Variants in GREM2 observed in about 807,000 individuals in gnomAD.
The protein encoded by GREM2 is gremlin 2, DAN family BMP antagonist.
Under a neutral mutation model 14.2 loss-of-function variants are expected in GREM2, and 11 were observed. The ratio of observed to expected loss-of-function variants is 0.78; its 90% confidence interval spans 0.49 to 1.28. The LOEUF (loss-of-function observed/expected upper bound fraction) is 1.28. Among genes scored for constraint, GREM2 ranks in the 50% most tolerant of loss-of-function variants. GREM2 has a pLI of 0.00. For missense variants in GREM2, 210 were observed against 218.5 expected (o/e 0.96, Z 0.24); for synonymous variants, 98 against 97.6 (o/e 1.00, Z -0.02).
In GREM2 at chr1:240,492,810, G is replaced by A. The variant is rs1395538660; in HGVS notation, c.*159C>T. The A allele has an allele frequency of 7.1e-6, 5 of 701,962 alleles. No homozygotes were observed. The highest frequency in any genetic ancestry group is 7.4e-5 in the East Asian group (2 of 26,918). 43.5% of individuals were successfully genotyped at this position (701,962 alleles called of 1,614,324 possible). ...AGCAAAAGCTCCACTTGCGATCCAC[G>A]TCTGTGACAAGGACACCGTCAGCCC... On this transcript the variant is annotated 3_prime_UTR_variant, in exon 2 of 2. Transcript: ENST00000318160.
At position 240,559,551 on chromosome 1, in the gene GREM2, C is replaced by T. The variant is rs909542432; in HGVS notation, c.-2+52333G>A. ...TAGAGATGGGATTTCGCCATGTTGACCAGGCTGGTCTTGAACTCCTGACCT... is the reference window on the plus strand; with the variant it reads ...TAGAGATGGGATTTCGCCATGTTGATCAGGCTGGTCTTGAACTCCTGACCT... On this transcript the variant is annotated intron_variant, in intron 1 of 1. Transcript: ENST00000318160. Among the ~76,000 whole-genome samples the T allele has an allele frequency of 3.9e-5, 6 of 151,908 alleles. No individual in the cohort carries two copies. In the South Asian group the frequency reaches 6.2e-4, roughly 16 times the overall value.
At chr1:240,518,891 T>C (rs1028795478) in intron 1 of GREM2, among the ~76,000 whole-genome samples, 8 of 152,216 alleles carry the variant, frequency 5.3e-5, no homozygotes, top group Non-Finnish European at 8.8e-5. Context: ...TGTTGCTTGA[T>C]GAATTTATTT....
intron 1 of GREM2, among the ~76,000 whole-genome samples, chr1:240,571,459 C>T (rs56878000): frequency 8.6e-4 from 131 of 152,094 alleles, no homozygotes; most frequent in African/African-American, 2.9e-3. Flanking sequence ...TTTGGGAGGC[C>T]GAGGTGGGTG....
At chr1:240,546,546 CAT>C (rs1414484966) in intron 1 of GREM2, among the ~76,000 whole-genome samples, 2 of 152,164 alleles carry the variant, frequency 1.3e-5, no homozygotes. Context: ...CATGTTCCTA[CAT>C]AGAGTTTTGC....
intron 1 of GREM2, among the ~76,000 whole-genome samples, chr1:240,506,148 A>C (rs1677673038): frequency 6.6e-6 from 1 of 152,178 alleles, no homozygotes; most frequent in African/African-American, 2.4e-5. Context: ...TGCAAGCATG[A>C]GAATATCATT....
intron 1 of GREM2, among the ~76,000 whole-genome samples, chr1:240,518,786 A>C (rs1326161820): frequency 1.3e-5 from 2 of 152,232 alleles, no homozygotes; most frequent in Non-Finnish European, 2.9e-5. Flanking sequence ...TTTGGATGAA[A>C]ATCTGCATGC....
intron 1 of GREM2, among the ~76,000 whole-genome samples, chr1:240,561,523 A>G (rs959318500): frequency 6.6e-6 from 1 of 152,222 alleles, no homozygotes; most frequent in Non-Finnish European, 1.5e-5. Context: ...TTTTGGTTCC[A>G]TAAATAAGCT....
At chr1:240,563,008 GTGTA>G (rs199514287) in intron 1 of GREM2, among the ~76,000 whole-genome samples, 5 of 149,820 alleles carry the variant, frequency 3.3e-5, no homozygotes, top group African/African-American at 9.8e-5. Context: ...GTATATGTGA[GTGTA>G]TGTGTGTATG....
chr1:240,527,932 A>G (rs1201691351), intron 1 of GREM2, among the ~76,000 whole-genome samples: 2 of 152,246 alleles, frequency 1.3e-5, no homozygotes, highest in African/African-American at 4.8e-5. Context: ...TTTTAACACC[A>G]GAGGAAAATG....
intron 1 of GREM2, among the ~76,000 whole-genome samples, chr1:240,578,912 G>A (rs1425745665): frequency 6.6e-6 from 1 of 152,220 alleles, no homozygotes; most frequent in Non-Finnish European, 1.5e-5. Context: ...TTTTGGAACA[G>A]CTGCAGGTGG....
chr1:240,536,176 G>C (rs1400165602), intron 1 of GREM2, among the ~76,000 whole-genome samples: 1 of 152,136 alleles, frequency 6.6e-6, no homozygotes, highest in Non-Finnish European at 1.5e-5. Context: ...CAGCTCCAAT[G>C]GAGATAATGT....
intron 1 of GREM2, among the ~76,000 whole-genome samples, chr1:240,609,319 G>A (rs1018559065): frequency 6.6e-6 from 1 of 152,140 alleles, no homozygotes. Flanking sequence ...TTTCCAACTG[G>A]AAGTGGTGGT....
At chr1:240,506,318 T>A (rs2103283587) in intron 1 of GREM2, among the ~76,000 whole-genome samples, 1 of 152,288 alleles carries the variant, frequency 6.6e-6, no homozygotes, top group South Asian at 2.1e-4. Flanking sequence ...TTCCTGACAG[T>A]TTTTCAGAAC....
chr1:240,604,775 T>A (rs370192939), intron 1 of GREM2, among the ~76,000 whole-genome samples: 1 of 152,194 alleles, frequency 6.6e-6, no homozygotes, highest in African/African-American at 2.4e-5. Flanking sequence ...TTGGCAAACA[T>A]GGTGAGACCC....
chr1:240,560,678 A>C (rs1679020987), intron 1 of GREM2, among the ~76,000 whole-genome samples: 1 of 152,110 alleles, frequency 6.6e-6, no homozygotes, highest in Admixed American at 6.5e-5. Flanking sequence ...TTTTCTTCTA[A>C]CCCTCTTGCT....
chr1:240,505,031 C>T (rs9283430), intron 1 of GREM2, among the ~76,000 whole-genome samples: 97,290 of 151,916 alleles, frequency 0.64, 32,766 homozygotes, highest in African/African-American at 0.86. Context: ...GGGCAGTTTC[C>T]AATGGTTTAA....
At chr1:240,604,550 G>A (rs895077879) in intron 1 of GREM2, among the ~76,000 whole-genome samples, 30 of 152,102 alleles carry the variant, frequency 2.0e-4, no homozygotes, top group Non-Finnish European at 3.7e-4. Context: ...ATGTTACTGT[G>A]GTTTGTTACA....
intron 1 of GREM2, among the ~76,000 whole-genome samples, chr1:240,521,371 A>G (rs1229563836): frequency 2.0e-5 from 3 of 152,070 alleles, no homozygotes; most frequent in Non-Finnish European, 2.9e-5. Flanking sequence ...GATCGAGACC[A>G]TCCTGGCTAA....
chr1:240,519,301 T>G (rs1384663459), intron 1 of GREM2, among the ~76,000 whole-genome samples: 2 of 152,200 alleles, frequency 1.3e-5, no homozygotes, highest in Non-Finnish European at 2.9e-5. Context: ...TGTCACTGTT[T>G]GAATTGATTC....
Sources: gnomAD v4.1 joint callset for allele counts (sites outside exome capture counted in the v4.1 genomes callset) on GRCh38, gnomAD v4.1.1 for gene constraint, MANE v1.5 for transcripts, NCBI Gene and HGNC (gene_info 2026-07-23, HGNC 2026-07-21) for gene names.